TUBD1: variants seen among roughly 807,000 people sequenced by gnomAD.
The protein encoded by TUBD1 is tubulin delta 1.
A neutral mutation model predicts 51.2 loss-of-function variants in TUBD1; 38 were observed. The observed-to-expected ratio is 0.74, with a 90% CI of 0.57 to 0.97. TUBD1 has a LOEUF of 0.97. Ranked by LOEUF, TUBD1 falls within the 50% of genes least tolerant of loss-of-function variation. The pLI, the probability that TUBD1 is intolerant of heterozygous loss-of-function variation, is 0.00. For synonymous variants in TUBD1, 169 were observed against 178.2 expected (o/e 0.95, Z 0.41); for missense variants, 489 against 538.4 (o/e 0.91, Z 0.91).
intron 8 of TUBD1, among the ~76,000 whole-genome samples, chr17:59,860,996 G>GTA (rs375851682): frequency 5.4e-4 from 82 of 150,492 alleles, no homozygotes; most frequent in Admixed American, 1.2e-3. Context: ...TATCTACTCA[G>GTA]TATATATATA....
At chr17:59,890,206 T>G (rs1269405456) in intron 2 of TUBD1, among the ~76,000 whole-genome samples, 2 of 152,130 alleles carry the variant, frequency 1.3e-5, no homozygotes, top group Non-Finnish European at 2.9e-5. Flanking sequence ...TCAATGATGC[T>G]ATGTGGGGCA....
At chr17:59,888,727 CTTTT>C (rs11462592) in intron 2 of TUBD1, among the ~76,000 whole-genome samples, 1 of 148,078 alleles carries the variant, frequency 6.8e-6, no homozygotes, top group Non-Finnish European at 1.5e-5. Context: ...TGTTTTTTGT[CTTTT>C]TTTTTTCTTT....
chr17:59,891,034 A>T lies in TUBD1; in HGVS notation c.-32T>A, dbSNP rs2040976875. On this transcript the variant is annotated 5_prime_UTR_variant, in exon 2 of 9. Transcript: ENST00000325752. ...CCACAAACTAGGTGTATTACCTCTA[A>T]AAACAACCTGTAATCGAAAAAAATA... 2.5e-6 allele frequency: 4 copies of T among 1,571,846 alleles called. No individual in the cohort carries two copies. Among genetic ancestry groups the T allele is most frequent in the Non-Finnish European group, 1.7e-6 (2 of 1,159,294 alleles).
In TUBD1 at chr17:59,881,016, T is replaced by G; in HGVS notation, c.415A>C (p.Ile139Leu). ...KCDSFSGFFI[I>L]MSMAGGTGSG... The stretch of plus-strand genomic sequence containing the variant: ...CCTGTGCCCCCAGCCATACTCATTA[T>G]GATGAAAAAACCACTGAAAGAGTCA... Residue 139 changes from isoleucine to leucine, a missense_variant, in exon 4 of 9, where the codon ATA becomes CTA. Ile to Leu is a conservative substitution (Grantham distance 5). Transcript: ENST00000325752. 6.2e-7 allele frequency: 1 copy of G among 1,614,194 alleles called. No individual in the cohort carries two copies. The highest frequency in any genetic ancestry group is 8.5e-7 in the Non-Finnish European group (1 of 1,180,020).
chr17:59,869,946 G>A (rs1395356735), intron 6 of TUBD1, among the ~76,000 whole-genome samples: 2 of 152,092 alleles, frequency 1.3e-5, no homozygotes, highest in African/African-American at 4.8e-5. Flanking sequence ...AGGAACAGGA[G>A]AGAATATAAC....
intron 3 of TUBD1, chr17:59,885,415 A>G (rs2040675931): frequency 8.6e-7 from 1 of 1,165,948 alleles, no homozygotes; most frequent in Non-Finnish European, 1.3e-6. Flanking sequence ...GGCTCTCATG[A>G]TATTCATGTT....
At chr17:59,877,452 C>G (rs1266873035) in intron 5 of TUBD1, among the ~76,000 whole-genome samples, 1 of 152,198 alleles carries the variant, frequency 6.6e-6, no homozygotes, top group African/African-American at 2.4e-5. Context: ...CTTTTAAAAA[C>G]TGCAAAGCCA....
chr17:59,863,714 T>C lies in TUBD1; in HGVS notation c.1209A>G (p.Val403=), dbSNP rs1175904009. ...TCCCAACAATCATATCAAGTGGTTT[T>C]ACTAAGAACTGGCTGTTGCTGACCA... ...AVLVSNSQFL[V]KPLDMIVGKA... is the part of the protein sequence containing the mutation. Residue 403 remains valine, a synonymous_variant, in exon 8 of 9, where the codon GTA becomes GTG. Coordinates refer to ENST00000325752, the MANE Select transcript of TUBD1 (RefSeq NM_016261.4). 21 of 1,603,774 alleles carry C rather than the reference T, an allele frequency of 1.3e-5. No homozygotes were observed. The highest frequency in any genetic ancestry group is 1.8e-5 in the Admixed American group (1 of 57,000).
intron 6 of TUBD1, among the ~76,000 whole-genome samples, chr17:59,870,729 GAGATA>G (rs1485516449): frequency 6.6e-6 from 1 of 152,196 alleles, no homozygotes; most frequent in Admixed American, 6.6e-5. Context: ...AACTGATCAA[GAGATA>G]AGATACGCTG....
chr17:59,868,420 G>A (rs1306194066), intron 6 of TUBD1, among the ~76,000 whole-genome samples: 1 of 152,052 alleles, frequency 6.6e-6, no homozygotes, highest in Non-Finnish European at 1.5e-5. Flanking sequence ...TAGAGGCCAG[G>A]CGCGGTGGCT....
intron 3 of TUBD1, chr17:59,885,287 T>C: frequency 1.7e-6 from 1 of 596,860 alleles, no homozygotes; most frequent in Non-Finnish European, 3.2e-6. Flanking sequence ...TGGGACCAGC[T>C]GGACCTGAGA....
In TUBD1 at chr17:59,875,073, C is replaced by CTTTTT. The variant is rs10679203; in HGVS notation, c.770-375_770-371dup. 4.9e-4 allele frequency among the ~76,000 whole-genome samples: 43 copies of CTTTTT among 87,280 alleles called. 1 individual carries two copies. Among genetic ancestry groups the CTTTTT allele is most frequent in the Non-Finnish European group, 8.2e-4 (38 of 46,256 alleles). 57.3% of individuals were successfully genotyped at this position (87,280 alleles called of 152,430 possible). On this transcript the variant is annotated intron_variant, in intron 5 of 8. Coordinates refer to ENST00000325752, the MANE Select transcript of TUBD1 (RefSeq NM_016261.4). Reference sequence around the variant, plus strand: ...TATGTTCACTAAATATTGTTATATTCTTTTTTTTTTTTTTTTTTTTTGGGA... The same window carrying CTTTTT: ...TATGTTCACTAAATATTGTTATATTCTTTTTTTTTTTTTTTTTTTTTTTTTTGGGA...
At chr17:59,875,745 CA>C (rs34745648) in intron 5 of TUBD1, among the ~76,000 whole-genome samples, 240 of 124,278 alleles carry the variant, frequency 1.9e-3, no homozygotes, top group Middle Eastern at 5.1e-3. Context: ...GACTCTGTCT[CA>C]AAAAAAAAAA....
intron 8 of TUBD1, among the ~76,000 whole-genome samples, chr17:59,862,323 C>CA (rs61036233): frequency 0.25 from 34,137 of 134,780 alleles, 7,411 homozygotes; most frequent in African/African-American, 0.6. Context: ...AACTCCATCT[C>CA]AAAAAAAAAA....
intron 6 of TUBD1, among the ~76,000 whole-genome samples, chr17:59,867,473 T>G (rs1296022170): frequency 6.6e-6 from 1 of 152,092 alleles, no homozygotes; most frequent in Admixed American, 6.6e-5. Context: ...TTTGGTAGGC[T>G]GCGCTGGGAG....
At chr17:59,872,884 A>G (rs2040058701) in intron 6 of TUBD1, among the ~76,000 whole-genome samples, 1 of 151,536 alleles carries the variant, frequency 6.6e-6, no homozygotes, top group Non-Finnish European at 1.5e-5. Context: ...CTCCTGCCTC[A>G]GCTTCCCAGG....
intron 3 of TUBD1, chr17:59,885,200 C>A (rs1024530810): frequency 4.6e-6 from 2 of 438,082 alleles, no homozygotes; most frequent in East Asian, 1.0e-4. Flanking sequence ...TGGGAGACTA[C>A]GAGCCTTACC....
Position 59,860,130 on chromosome 17 carries a change from C to T in TUBD1, c.*192G>A. On this transcript the variant is annotated 3_prime_UTR_variant, in exon 9 of 9. Coordinates refer to ENST00000325752, the MANE Select transcript of TUBD1 (RefSeq NM_016261.4). Reference sequence around the variant, plus strand: ...TCCTGGGTTCACGTCATTCTCCTGCCTCAGCCTCCCGAGTAGCTGGGACTA... The same window carrying T: ...TCCTGGGTTCACGTCATTCTCCTGCTTCAGCCTCCCGAGTAGCTGGGACTA... 2.4e-6 allele frequency: 1 copy of T among 414,334 alleles called. No individual in the cohort carries two copies. Among genetic ancestry groups the T allele is most frequent in the South Asian group, 3.7e-5 (1 of 26,792 alleles). The allele number at this position is 414,334 out of a possible 1,614,324, so 25.7% of individuals were successfully genotyped here.
intron 2 of TUBD1, among the ~76,000 whole-genome samples, chr17:59,886,808 T>C (rs1252086954): frequency 6.7e-6 from 1 of 149,440 alleles, no homozygotes; most frequent in Non-Finnish European, 1.5e-5. Context: ...CCCAGCATTT[T>C]GGGAGGCTGA....
Sources: allele counts gnomAD v4.1 joint callset (sites outside exome capture counted in the v4.1 genomes callset), GRCh38; gene constraint gnomAD v4.1.1; transcripts MANE v1.5; gene names NCBI Gene and HGNC (gene_info 2026-07-23, HGNC 2026-07-21).